Variants in RBFOX1 observed in about 807,000 individuals in gnomAD.
RBFOX1 encodes RNA binding protein fox-1 homolog 1.
A neutral mutation model predicts 57.7 loss-of-function variants in RBFOX1; 8 were observed. That is an observed-to-expected ratio of 0.14 (90% CI 0.08 to 0.25). The LOEUF (loss-of-function observed/expected upper bound fraction) is 0.25. Among genes scored for constraint, RBFOX1 ranks in the 10% least tolerant of loss-of-function variants. The probability of loss-of-function intolerance (pLI) is 1.00; values close to 1 mark genes in which losing one functional copy is unlikely to be tolerated. For synonymous variants in RBFOX1, 326 were observed against 222.4 expected (o/e 1.47, Z -4.15); for missense variants, 611 against 548.5 (o/e 1.11, Z -1.14).
intron 4 of RBFOX1, among the ~76,000 whole-genome samples, chr16:5,978,757 C>G (rs1244369778): frequency 2.6e-5 from 4 of 151,008 alleles, no homozygotes; most frequent in African/African-American, 9.8e-5. Flanking sequence ...TACATCCAGT[C>G]TGGGTTTGGC....
chr16:5,729,732 G>A (rs1294582831), intron 3 of RBFOX1, among the ~76,000 whole-genome samples: 2 of 152,020 alleles, frequency 1.3e-5, no homozygotes, highest in Non-Finnish European at 1.5e-5. Context: ...TACTCTTATC[G>A]CAACTGGGGT....
intron 4 of RBFOX1, among the ~76,000 whole-genome samples, chr16:7,425,441 G>C (rs916685737): frequency 7.2e-5 from 11 of 152,098 alleles, no homozygotes; most frequent in African/African-American, 2.7e-4. Context: ...GTTCCTACTT[G>C]AGAAATTTCA....
intron 3 of RBFOX1, among the ~76,000 whole-genome samples, chr16:5,716,240 G>A (rs1011705167): frequency 6.6e-5 from 10 of 152,040 alleles, no homozygotes; most frequent in East Asian, 5.8e-4. Flanking sequence ...TAAAATCAGC[G>A]GCAAAAACTG....
chr16:6,449,833 G>A (rs2094554567), intron 2 of RBFOX1, among the ~76,000 whole-genome samples: 1 of 152,136 alleles, frequency 6.6e-6, no homozygotes, highest in East Asian at 1.9e-4. Flanking sequence ...TGGCCCCACT[G>A]CCCCCTGAAT....
intron 2 of RBFOX1, among the ~76,000 whole-genome samples, chr16:6,558,705 C>T (rs980364389): frequency 1.3e-5 from 2 of 152,096 alleles, no homozygotes; most frequent in Admixed American, 1.3e-4. Context: ...TATTCATTCC[C>T]TCCGTCCGTC....
chr16:7,610,589 C>G (rs868099847), intron 10 of RBFOX1, among the ~76,000 whole-genome samples: 11 of 152,286 alleles, frequency 7.2e-5, no homozygotes, highest in Middle Eastern at 3.4e-3. Flanking sequence ...TCCGGATTAT[C>G]CGGAAAATCC....
At chr16:6,938,496 T>A (rs576836131) in intron 3 of RBFOX1, among the ~76,000 whole-genome samples, 2 of 152,198 alleles carry the variant, frequency 1.3e-5, no homozygotes, top group South Asian at 4.1e-4. Context: ...GTCTCATCCA[T>A]AATATTAATA....
At chr16:5,535,803 T>A (rs2044670265) in intron 2 of RBFOX1, among the ~76,000 whole-genome samples, 1 of 152,222 alleles carries the variant, frequency 6.6e-6, no homozygotes, top group Admixed American at 6.5e-5. Flanking sequence ...GTCACCAGGT[T>A]TCACCACATT....
chr16:7,041,337 A>T (rs2046117956), intron 3 of RBFOX1, among the ~76,000 whole-genome samples: 1 of 152,108 alleles, frequency 6.6e-6, no homozygotes, highest in Non-Finnish European at 1.5e-5. Context: ...TGCAACAAAG[A>T]CAAGAGAGTC....
chr16:6,289,419 C>A (rs549679404), intron 1 of RBFOX1, among the ~76,000 whole-genome samples: 1 of 152,128 alleles, frequency 6.6e-6, no homozygotes, highest in African/African-American at 2.4e-5. Context: ...GGAAGTAACT[C>A]CTTTTAACTT....
intron 1 of RBFOX1, among the ~76,000 whole-genome samples, chr16:5,305,469 A>C (rs1482805864): frequency 1.3e-5 from 2 of 152,130 alleles, no homozygotes; most frequent in Non-Finnish European, 2.9e-5. Context: ...CTATAATTCC[A>C]GATGTTTCCC....
chr16:6,501,832 T>A (rs953630069), intron 2 of RBFOX1, among the ~76,000 whole-genome samples: 1 of 54,176 alleles, frequency 1.8e-5, no homozygotes, highest in South Asian at 1.0e-3. Flanking sequence ...GGGGAAATTC[T>A]TCTTGGTTTT....
At chr16:6,539,863 C>G (rs1023182071) in intron 2 of RBFOX1, among the ~76,000 whole-genome samples, 2 of 107,018 alleles carry the variant, frequency 1.9e-5, no homozygotes, top group African/African-American at 2.9e-5. Flanking sequence ...TCATTGTCTT[C>G]CTACAAGCTG....
chr16:6,219,429 C>T (rs979165823), intron 1 of RBFOX1, among the ~76,000 whole-genome samples: 1 of 152,116 alleles, frequency 6.6e-6, no homozygotes, highest in African/African-American at 2.4e-5. Context: ...GCCTGGGCAG[C>T]ATAACTGAGT....
intron 1 of RBFOX1, among the ~76,000 whole-genome samples, chr16:5,292,613 G>C (rs950083780): frequency 1.3e-5 from 2 of 150,844 alleles, no homozygotes; most frequent in African/African-American, 2.4e-5. Flanking sequence ...TTCTAGTTTG[G>C]TGTTCATATC....
chr16:6,312,634 C>T (rs1474991567), intron 1 of RBFOX1, among the ~76,000 whole-genome samples: 1 of 151,728 alleles, frequency 6.6e-6, no homozygotes, highest in Non-Finnish European at 1.5e-5. Context: ...CATAGGATGA[C>T]TAAGCCGATA....
At chr16:6,908,563 G>A (rs2070709343) in intron 3 of RBFOX1, among the ~76,000 whole-genome samples, 1 of 152,190 alleles carries the variant, frequency 6.6e-6, no homozygotes, top group Admixed American at 6.5e-5. Flanking sequence ...AGAGTGCCAA[G>A]CATGTCTTAT....
At chr16:6,939,811 C>T (rs1311356158) in intron 3 of RBFOX1, among the ~76,000 whole-genome samples, 1 of 152,082 alleles carries the variant, frequency 6.6e-6, no homozygotes, top group Non-Finnish European at 1.5e-5. Flanking sequence ...CATGCTGGAC[C>T]AGAATTTTTC....
intron 4 of RBFOX1, among the ~76,000 whole-genome samples, chr16:7,224,082 G>A (rs1344850268): frequency 7.4e-6 from 1 of 134,988 alleles, no homozygotes; most frequent in Admixed American, 8.7e-5. Flanking sequence ...TCGTTGTTCT[G>A]GGTCTTTCAG....
Sources: gnomAD v4.1 joint callset for allele counts (sites outside exome capture counted in the v4.1 genomes callset) on GRCh38, gnomAD v4.1.1 for gene constraint, MANE v1.5 for transcripts, NCBI Gene and HGNC (gene_info 2026-07-23, HGNC 2026-07-21) for gene names.